Variants in AHCYL2 observed in about 807,000 individuals in gnomAD.
AHCYL2 encodes the protein S-adenosylhomocysteine hydrolase-like protein 2.
In AHCYL2, 28 loss-of-function variants were observed where a neutral mutation model predicts 81.4. The observed-to-expected ratio is 0.34, with a 90% CI of 0.25 to 0.47. AHCYL2 has a LOEUF of 0.47. Among genes scored for constraint, AHCYL2 ranks in the 20% least tolerant of loss-of-function variants. The probability of loss-of-function intolerance (pLI) is 1.00; values close to 1 mark genes in which losing one functional copy is unlikely to be tolerated. For synonymous variants in AHCYL2, 272 were observed against 290.2 expected (o/e 0.94, Z 0.64); for missense variants, 551 against 785.1 (o/e 0.70, Z 3.56).
intron 1 of AHCYL2, among the ~76,000 whole-genome samples, chr7:129,226,750 A>G (rs55734328): frequency 3.3e-3 from 507 of 152,334 alleles, no homozygotes; most frequent in African/African-American, 0.012. Flanking sequence ...CGTTTGTAGT[A>G]TGAAACTCCT....
At chr7:129,262,315 A>T (rs1480031373) in intron 1 of AHCYL2, among the ~76,000 whole-genome samples, 1 of 152,242 alleles carries the variant, frequency 6.6e-6, no homozygotes, top group Admixed American at 6.5e-5. Context: ...AATAAGCTAT[A>T]GGAGGAGTCA....
At chr7:129,235,769 A>G (rs1794621987) in intron 1 of AHCYL2, among the ~76,000 whole-genome samples, 1 of 152,154 alleles carries the variant, frequency 6.6e-6, no homozygotes, top group African/African-American at 2.4e-5. Flanking sequence ...TCAGTAGCAC[A>G]TCTTAGAGCT....
chr7:129,271,227 G>T (rs1195146934), intron 1 of AHCYL2, among the ~76,000 whole-genome samples: 1 of 151,994 alleles, frequency 6.6e-6, no homozygotes, highest in African/African-American at 2.4e-5. Context: ...TGGGCGTGGT[G>T]GCAGGCGCCT....
At chr7:129,410,926 C>T (rs1002051440) in intron 11 of AHCYL2, among the ~76,000 whole-genome samples, 1 of 152,100 alleles carries the variant, frequency 6.6e-6, no homozygotes, top group Non-Finnish European at 1.5e-5. Context: ...ATATCAATCC[C>T]CTGGATCTCT....
chr7:129,333,588 GAGTGTGGCAGTTACTCATTT>G (rs1798495868), intron 1 of AHCYL2, among the ~76,000 whole-genome samples: 1 of 152,172 alleles, frequency 6.6e-6, no homozygotes, highest in African/African-American at 2.4e-5. Context: ...AGAGAAAAGT[GAGTGTGGCAGTTACTCATTT>G]AGTTCAGATA....
intron 1 of AHCYL2, among the ~76,000 whole-genome samples, chr7:129,338,917 A>T (rs995519766): frequency 6.6e-6 from 1 of 152,194 alleles, no homozygotes; most frequent in Non-Finnish European, 1.5e-5. Context: ...CTTTACGATT[A>T]TTTTAAGTGA....
intron 1 of AHCYL2, among the ~76,000 whole-genome samples, chr7:129,321,674 G>A (rs1156636819): frequency 2.0e-5 from 3 of 151,346 alleles, no homozygotes; most frequent in African/African-American, 7.3e-5. Flanking sequence ...AAGCCTTGTA[G>A]GATGGGTTAG....
At chr7:129,271,730 G>T (rs1796025258) in intron 1 of AHCYL2, among the ~76,000 whole-genome samples, 1 of 152,106 alleles carries the variant, frequency 6.6e-6, no homozygotes, top group African/African-American at 2.4e-5. Context: ...TTAATAGAAA[G>T]CAGATAAGGA....
intron 1 of AHCYL2, among the ~76,000 whole-genome samples, chr7:129,330,010 T>A (rs1218454004): frequency 6.6e-6 from 1 of 152,222 alleles, no homozygotes; most frequent in Non-Finnish European, 1.5e-5. Context: ...TAATTTAATT[T>A]TTTAAAAGAC....
chr7:129,331,331 TCA>T (rs746904108), intron 1 of AHCYL2, among the ~76,000 whole-genome samples: 13 of 152,216 alleles, frequency 8.5e-5, no homozygotes, highest in Non-Finnish European at 1.6e-4. Context: ...TGAAAAACAA[TCA>T]CAGACATAAA....
At chr7:129,313,276 T>G in intron 1 of AHCYL2, among the ~76,000 whole-genome samples, 1 of 152,216 alleles carries the variant, frequency 6.6e-6, no homozygotes, top group East Asian at 1.9e-4. Flanking sequence ...GAATAAGGGA[T>G]AAAATTGTCT....
intron 1 of AHCYL2, among the ~76,000 whole-genome samples, chr7:129,287,018 A>G (rs1316086218): frequency 6.6e-6 from 1 of 152,028 alleles, no homozygotes; most frequent in Non-Finnish European, 1.5e-5. Context: ...AAAAGTAACT[A>G]CATTTTCTAA....
intron 11 of AHCYL2, chr7:129,410,110 T>C (rs1344906527): frequency 2.6e-5 from 40 of 1,516,028 alleles, no homozygotes; most frequent in Non-Finnish European, 3.6e-5. Context: ...AGATAATCCA[T>C]CTCTAAAATT....
chr7:129,316,151 G>A (rs565311867), intron 1 of AHCYL2, among the ~76,000 whole-genome samples: 14 of 152,294 alleles, frequency 9.2e-5, no homozygotes, highest in South Asian at 2.1e-4. Context: ...AGAGCCCACC[G>A]GGAGTATTAC....
chr7:129,376,312 G>T (rs745421685), intron 1 of AHCYL2, among the ~76,000 whole-genome samples: 1 of 152,178 alleles, frequency 6.6e-6, no homozygotes, highest in African/African-American at 2.4e-5. Flanking sequence ...TCATGTTCTG[G>T]TCGTCAGAGA....
At chr7:129,369,581 C>G (rs1016979671) in intron 1 of AHCYL2, among the ~76,000 whole-genome samples, 6 of 127,510 alleles carry the variant, frequency 4.7e-5, no homozygotes, top group African/African-American at 1.8e-4. Flanking sequence ...GAAATGGAGT[C>G]TGGCTCTGTT....
At chr7:129,350,544 A>G (rs1793522387) in intron 1 of AHCYL2, among the ~76,000 whole-genome samples, 1 of 151,546 alleles carries the variant, frequency 6.6e-6, no homozygotes, top group Admixed American at 6.6e-5. Flanking sequence ...GTGCCACCAT[A>G]CCTGACTAAT....
intron 1 of AHCYL2, among the ~76,000 whole-genome samples, chr7:129,339,980 G>A (rs1352514264): frequency 1.5e-5 from 2 of 133,026 alleles, no homozygotes; most frequent in Non-Finnish European, 3.1e-5. Flanking sequence ...GTGCAGTGAC[G>A]TGATCTCGGC....
intron 1 of AHCYL2, among the ~76,000 whole-genome samples, chr7:129,374,514 A>AT (rs1325716290): frequency 2.6e-5 from 4 of 152,086 alleles, no homozygotes; most frequent in African/African-American, 7.2e-5. Context: ...TAAAAAAAAA[A>AT]AAAAATCTGC....
Sources: gnomAD v4.1 joint callset for allele counts (sites outside exome capture counted in the v4.1 genomes callset) on GRCh38, gnomAD v4.1.1 for gene constraint, MANE v1.5 for transcripts, NCBI Gene and HGNC (gene_info 2026-07-23, HGNC 2026-07-21) for gene names.